Variants in LHFPL3 observed in about 807,000 individuals in gnomAD.
The protein encoded by LHFPL3 is LHFPL tetraspan subfamily member 3.
Under a neutral mutation model 19.3 loss-of-function variants are expected in LHFPL3, and 5 were observed. That is an observed-to-expected ratio of 0.26 (90% CI 0.14 to 0.54). The LOEUF (loss-of-function observed/expected upper bound fraction) is 0.54. Among genes scored for constraint, LHFPL3 ranks in the 20% least tolerant of loss-of-function variants. The pLI is 0.94. For synonymous variants in LHFPL3, 133 were observed against 126.2 expected (o/e 1.05, Z -0.36); for missense variants, 249 against 307.4 (o/e 0.81, Z 1.42).
At chr7:104,375,215 T>A (rs1457622989) in intron 1 of LHFPL3, among the ~76,000 whole-genome samples, 1 of 152,102 alleles carries the variant, frequency 6.6e-6, no homozygotes, top group Non-Finnish European at 1.5e-5. Context: ...GGTGTGCACC[T>A]GTAGTCCCAG....
In LHFPL3 at chr7:104,874,643, A is replaced by G. The variant is rs761341703; in HGVS notation, c.683-31544A>G. On this transcript the variant is annotated intron_variant, in intron 2 of 2. Coordinates refer to ENST00000424859, the MANE Select transcript of LHFPL3 (RefSeq NM_199000.3). ...AGGCTGGTCTTGAACTCCTGACCTC[A>G]GGTGATCTGCCCGCCTCGGCTGCCC... Among the ~76,000 whole-genome samples the G allele has an allele frequency of 1.7e-4, 26 of 152,254 alleles. 1 individual carries two copies. The highest frequency in any genetic ancestry group is 1.0e-3 in the South Asian group (5 of 4,826).
At chr7:104,737,233 G>C (rs1363332452) in intron 2 of LHFPL3, among the ~76,000 whole-genome samples, 1 of 151,958 alleles carries the variant, frequency 6.6e-6, no homozygotes, top group Non-Finnish European at 1.5e-5. Context: ...ATGTAACTGT[G>C]GGTGGTGTCT....
intron 2 of LHFPL3, among the ~76,000 whole-genome samples, chr7:104,768,255 C>A: frequency 6.6e-6 from 1 of 152,028 alleles, no homozygotes; most frequent in East Asian, 1.9e-4. Flanking sequence ...GTACAGTGAC[C>A]TGGTCAGTGG....
chr7:104,799,123 G>A (rs36059846), intron 2 of LHFPL3, among the ~76,000 whole-genome samples: 24,557 of 152,156 alleles, frequency 0.16, 2,311 homozygotes, highest in East Asian at 0.46. Context: ...TGTTACAACT[G>A]CCTAGTGACA....
intron 1 of LHFPL3, among the ~76,000 whole-genome samples, chr7:104,379,846 G>A (rs1367027244): frequency 6.6e-6 from 1 of 152,150 alleles, no homozygotes; most frequent in Non-Finnish European, 1.5e-5. Flanking sequence ...CAGTCCCAGC[G>A]CTATGCCAAG....
In LHFPL3 at chr7:104,524,104, A is replaced by G. The variant is rs115221092; in HGVS notation, c.445+194880A>G. ...AGCAGTATTATATTTCTGTTAAATA[A>G]CAATTATTGAGATGTATTTATGGAA... On this transcript the variant is annotated intron_variant, in intron 1 of 2. Transcript: ENST00000424859. Among the ~76,000 whole-genome samples, 1,333 of 152,346 alleles carry G rather than the reference A, an allele frequency of 8.7e-3. 19 individuals are homozygous for G. Among genetic ancestry groups the G allele is most frequent in the African/African-American group, 0.03 (1,254 of 41,572 alleles).
chr7:104,767,435 T>C (rs1285042320), intron 2 of LHFPL3, among the ~76,000 whole-genome samples: 1 of 152,196 alleles, frequency 6.6e-6, no homozygotes, highest in Non-Finnish European at 1.5e-5. Flanking sequence ...ACCTCCGATA[T>C]CATGTGATCC....
At chr7:104,715,045 C>T (rs1482935687) in intron 1 of LHFPL3, among the ~76,000 whole-genome samples, 4 of 151,826 alleles carry the variant, frequency 2.6e-5, no homozygotes, top group African/African-American at 9.7e-5. Flanking sequence ...TGCCTATTAA[C>T]AATATGTGCA....
chr7:104,441,638 C>T (rs927457654), intron 1 of LHFPL3, among the ~76,000 whole-genome samples: 7 of 152,154 alleles, frequency 4.6e-5, no homozygotes, highest in South Asian at 2.1e-4. Context: ...GCGCATGGCA[C>T]GATCTTAGCT....
intron 1 of LHFPL3, among the ~76,000 whole-genome samples, chr7:104,611,887 G>A (rs1742422554): frequency 1.3e-5 from 2 of 152,150 alleles, no homozygotes; most frequent in Non-Finnish European, 2.9e-5. Context: ...ATGCAGTCCT[G>A]TGCTTCCTTA....
intron 1 of LHFPL3, among the ~76,000 whole-genome samples, chr7:104,409,068 G>T (rs1004933531): frequency 1.3e-5 from 2 of 150,634 alleles, no homozygotes; most frequent in African/African-American, 4.9e-5. Context: ...AGTAGAGACG[G>T]GGTTTCACCG....
At chr7:104,889,640 A>C (rs1792209505) in intron 2 of LHFPL3, among the ~76,000 whole-genome samples, 1 of 152,178 alleles carries the variant, frequency 6.6e-6, no homozygotes, top group Non-Finnish European at 1.5e-5. Context: ...ACTCTGTCTC[A>C]GAAACAAAAA....
intron 2 of LHFPL3, among the ~76,000 whole-genome samples, chr7:104,890,481 C>T (rs564469387): frequency 2.6e-5 from 4 of 152,306 alleles, no homozygotes; most frequent in Admixed American, 1.3e-4. Flanking sequence ...TGCCTCAGAG[C>T]TCCTAGCTTA....
rs147673494 is a variant in LHFPL3, at chr7:104,462,040, G to C, written c.445+132816G>C. On this transcript the variant is annotated intron_variant, in intron 1 of 2. Coordinates refer to ENST00000424859, the MANE Select transcript of LHFPL3 (RefSeq NM_199000.3). ...TTGTGAATTCCTGATTTGGCTCTCG[G>C]CTTAGCTGTTGGTGGTATATAAGAA... Among the ~76,000 whole-genome samples, 549 of 152,102 alleles carry C rather than the reference G, an allele frequency of 3.6e-3. 5 individuals are homozygous for C. Among genetic ancestry groups the C allele is most frequent in the African/African-American group, 0.013 (524 of 41,500 alleles).
chr7:104,753,207 T>A (rs1053225221), intron 2 of LHFPL3, among the ~76,000 whole-genome samples: 2 of 152,192 alleles, frequency 1.3e-5, no homozygotes, highest in African/African-American at 4.8e-5. Flanking sequence ...TAGAGTTCCT[T>A]TCATAAATAT....
At position 104,540,274 on chromosome 7, in the gene LHFPL3, A is replaced by G. The variant is rs1794460486; in HGVS notation, c.446-196401A>G. On this transcript the variant is annotated intron_variant, in intron 1 of 2. Transcript: ENST00000424859. ...AAAACTATAATGTTGAGCATGAGAT[A>G]TGGTATTGAAAGTATGGTTGGTAGG... 2.0e-5 allele frequency among the ~76,000 whole-genome samples: 3 copies of G among 152,330 alleles called. No individual in the cohort carries two copies. In the South Asian group the frequency reaches 6.2e-4, roughly 32 times the overall value.
At chr7:104,566,550 C>A (rs1049558402) in intron 1 of LHFPL3, among the ~76,000 whole-genome samples, 1 of 151,948 alleles carries the variant, frequency 6.6e-6, no homozygotes, top group Non-Finnish European at 1.5e-5. Context: ...ACATAAGAAC[C>A]AAAGATGGCT....
chr7:104,426,091 TG>T lies in LHFPL3; in HGVS notation c.445+96870del, dbSNP rs776174143. Among the ~76,000 whole-genome samples the T allele has an allele frequency of 5.3e-4, 80 of 152,216 alleles. 1 individual carries two copies. Among genetic ancestry groups the T allele is most frequent in the Admixed American group, 3.2e-3 (49 of 15,282 alleles). On this transcript the variant is annotated intron_variant, in intron 1 of 2. Coordinates refer to ENST00000424859, the MANE Select transcript of LHFPL3 (RefSeq NM_199000.3). ...TGTTCCCGTTCCCCCACAGATGCAG[TG>T]GGACATGACATTTTCTACTTTGTCC...
chr7:104,458,397 G>C (rs1402078551), intron 1 of LHFPL3, among the ~76,000 whole-genome samples: 2 of 151,996 alleles, frequency 1.3e-5, no homozygotes, highest in East Asian at 1.9e-4. Flanking sequence ...GTTTGTTTTT[G>C]TCAGGTTTGT....
Sources: allele counts gnomAD v4.1 joint callset (sites outside exome capture counted in the v4.1 genomes callset), GRCh38; gene constraint gnomAD v4.1.1; transcripts MANE v1.5; gene names NCBI Gene and HGNC (gene_info 2026-07-23, HGNC 2026-07-21).